TCN2: variants seen among roughly 807,000 people sequenced by gnomAD.
The protein encoded by TCN2 is transcobalamin-2.
In TCN2, 34 loss-of-function variants were observed where a neutral mutation model predicts 48.6. The observed-to-expected ratio is 0.70, with a 90% confidence interval of 0.53 to 0.93. The LOEUF is 0.93. Ranked by LOEUF, TCN2 falls within the 40% of genes least tolerant of loss-of-function variation. The pLI is 0.00. For missense variants in TCN2, 652 were observed against 526.1 expected (o/e 1.24, Z -2.34); for synonymous variants, 283 against 212.5 (o/e 1.33, Z -2.89).
rs762822411 is a variant in TCN2 at position 30,623,016 on chromosome 22, G to A, written c.1155G>A (p.Met385Ile). 2 of 1,614,034 alleles carry A rather than the reference G, an allele frequency of 1.2e-6. No individual in the cohort carries two copies. Among genetic ancestry groups the A allele is most frequent in the African/African-American group, 1.3e-5 (1 of 74,978 alleles). ...CAGGCCCCTACTTAACCTCCGTGAT[G>A]GGGAAAGCGGCCGGAGAAAGGGAGT... ...SLSGPYLTSV[M>I]GKAAGEREFW... is the part of the protein sequence containing the mutation. Residue 385 changes from methionine (M) to isoleucine (I), a missense_variant, in exon 8 of 9, where the codon ATG (methionine) becomes ATA (isoleucine). By Grantham distance (10) the Met-to-Ile change is conservative (BLOSUM62 1). Transcript: ENST00000215838.
intron 8 of TCN2, among the ~76,000 whole-genome samples, chr22:30,624,045 C>T (rs200114930): frequency 0.059 from 1,292 of 22,022 alleles, 384 homozygotes; most frequent in African/African-American, 0.28. Flanking sequence ...TACATATATA[C>T]ACACACACAC....
chr22:30,626,442 C>T lies in TCN2; in HGVS notation c.1223-18C>T, dbSNP rs552440554. 4.3e-6 allele frequency: 7 copies of T among 1,613,972 alleles called. No individual in the cohort carries two copies. In the East Asian group the frequency reaches 6.7e-5, roughly 15 times the overall value. On this transcript the variant is annotated intron_variant, in intron 8 of 8. Transcript: ENST00000215838. ...ATTCTGCCCAATTCGCCCCTCCTTG[C>T]TCAATCTGTTTCTGCAGGTATTGCT...
Position 30,617,476 on chromosome 22 carries a change from C to T in TCN2, c.1087C>T (p.His363Tyr), listed in dbSNP as rs2087629933. The T allele has an allele frequency of 1.2e-6, 2 of 1,614,062 alleles. No homozygotes were observed. Among genetic ancestry groups the T allele is most frequent in the African/African-American group, 1.3e-5 (1 of 74,914 alleles). The change falls in exon 7 of 9, where the codon CAT becomes TAT. Residue 363 changes from histidine to tyrosine, a missense_variant. Coordinates refer to ENST00000215838, the MANE Select transcript of TCN2 (RefSeq NM_000355.4). The stretch of plus-strand genomic sequence containing the variant: ...CGTGGAAGATGTCCTGAAGAAGGCC[C>T]ATGAGTTAGGAGGATTCACGTGAGA... ...STVEDVLKKA[H>Y]ELGGFTYETQ...
rs2087601543 is a variant in TCN2 at position 30,615,612 on chromosome 22, T to G, written c.765T>G (p.Thr255=). 6.2e-7 allele frequency: 1 copy of G among 1,614,138 alleles called. No individual in the cohort carries two copies. ...STPLALQFLM[T]SPMRGAELGT... Reference sequence around the variant, plus strand: ...CACTCTATCACCAGTTCCTCATGACTTCCCCCATGCGTGGGGCAGAACTGG... The same window carrying G: ...CACTCTATCACCAGTTCCTCATGACGTCCCCCATGCGTGGGGCAGAACTGG... Residue 255 remains threonine, a synonymous_variant, in exon 6 of 9, where the codon ACT becomes ACG. Transcript: ENST00000215838.
chr22:30,614,526 GCCAGGCTGGCACTCCCTCAGTCC>G, intron 4 of TCN2, 25 bp downstream of exon 4: 1 of 1,613,712 alleles, frequency 6.2e-7, no homozygotes, highest in Non-Finnish European at 8.5e-7. Flanking sequence ...CCGTGCCAAG[GCCAGGCTGGCACTCCCTCAGTCC>G]CCAGGTCTGC....
At chr22:30,616,171 C>G (rs1026248561) in intron 6 of TCN2, among the ~76,000 whole-genome samples, 6 of 152,116 alleles carry the variant, frequency 3.9e-5, no homozygotes, top group African/African-American at 1.4e-4. Context: ...GAGGACGTGA[C>G]TGGGATTTGC....
At chr22:30,619,998 A>T (rs11703609) in intron 7 of TCN2, among the ~76,000 whole-genome samples, 7,730 of 152,092 alleles carry the variant, frequency 0.051, 299 homozygotes, top group Non-Finnish European at 0.078. Flanking sequence ...CTTCAAAAAA[A>T]TTTTTTTAAT....
rs34383530 is a variant in TCN2 at position 30,616,025 on chromosome 22, TTGGATGGATGGATGGATGGATGGATGGA to T, written c.940+261_940+288del. The stretch of plus-strand genomic sequence containing the variant: ...TGTGTGATACCCAGTACAGAAATGT[TTGGATGGATGGATGGATGGATGGATGGA>T]TGGATGGATGGATGGATGGATGAGG... On this transcript the variant is annotated intron_variant, in intron 6 of 8. Transcript: ENST00000215838. Among the ~76,000 whole-genome samples the T allele has an allele frequency of 0.14, 21,357 of 149,442 alleles. 1,709 individuals carry two copies. Among genetic ancestry groups the T allele is most frequent in the African/African-American group, 0.2 (8,019 of 40,704 alleles).
rs71740449 is a variant in TCN2, at chr22:30,623,937, TACAC to T, written c.1222+862_1222+865del. Among the ~76,000 whole-genome samples, 3 of 64,170 alleles carry T rather than the reference TACAC, an allele frequency of 4.7e-5. 1 individual carries two copies. The highest frequency in any genetic ancestry group is 3.4e-4 in the South Asian group (1 of 2,970). The allele number at this position is 64,170 out of a possible 152,430, so 42.1% of individuals were successfully genotyped here. A position where few individuals can be genotyped will look rare whatever the true frequency, so the allele number is the denominator to read the frequency against. The stretch of plus-strand genomic sequence containing the variant: ...ACACACATATATATGTATACATATA[TACAC>T]ACACACATATGTATACATATATACA... On this transcript the variant is annotated intron_variant, in intron 8 of 8. Transcript: ENST00000215838.
intron 2 of TCN2, among the ~76,000 whole-genome samples, 189 bp from the exon 3 acceptor site, chr22:30,612,684 T>A (rs1245418967): frequency 6.6e-6 from 1 of 152,228 alleles, no homozygotes; most frequent in Non-Finnish European, 1.5e-5. Flanking sequence ...ATCTAACTGT[T>A]CATCTTTATT....
intron 7 of TCN2, among the ~76,000 whole-genome samples, chr22:30,622,328 T>G (rs928040260): frequency 6.6e-6 from 1 of 152,174 alleles, no homozygotes; most frequent in Non-Finnish European, 1.5e-5. Context: ...GGCAGTGGCA[T>G]CCAGACGGAG....
At position 30,624,078 on chromosome 22, in the gene TCN2, A is replaced by T. The variant is rs375569700; in HGVS notation, c.1222+995A>T. Among the ~76,000 whole-genome samples, 135 of 80,352 alleles carry T rather than the reference A, an allele frequency of 1.7e-3. 27 individuals carry two copies. The highest frequency in any genetic ancestry group is 5.0e-3 in the East Asian group (15 of 3,008). The allele number at this position is 80,352 out of a possible 152,430, so 52.7% of individuals were successfully genotyped here. A position where few individuals can be genotyped will look rare whatever the true frequency, so the allele number is the denominator to read the frequency against. ...CACACACACATATATATATATATATATATTTTTTTTTTTTGAGATGGAGTC... is the reference window on the plus strand; with the variant it reads ...CACACACACATATATATATATATATTTATTTTTTTTTTTTGAGATGGAGTC... On this transcript the variant is annotated intron_variant, in intron 8 of 8. Transcript: ENST00000215838.
intron 2 of TCN2, 194 bp downstream of exon 2, chr22:30,611,257 C>T (rs1312704950): frequency 7.3e-6 from 5 of 681,830 alleles, no homozygotes; most frequent in Admixed American, 2.3e-5. Flanking sequence ...TAATGCAAGG[C>T]TCCTTTTGCT....
Position 30,617,418 on chromosome 22 carries a change from C to T in TCN2, c.1029C>T (p.Tyr343=). 3 of 1,614,136 alleles carry T rather than the reference C, an allele frequency of 1.9e-6. No homozygotes were observed. The highest frequency in any genetic ancestry group is 2.5e-6 in the Non-Finnish European group (3 of 1,180,034). ...AGGTGCTTAGTCTCTTGCCGCCGTA[C>T]AGACAGTCCATCTCTGTTCTGGCCG... ...TLQVLSLLPP[Y]RQSISVLAGS... The change falls in exon 7 of 9, where the codon TAC becomes TAT. Residue 343 remains tyrosine, a synonymous_variant. Transcript: ENST00000215838.
At chr22:30,615,857 G>A (rs1264923741) in intron 6 of TCN2, 70 bp downstream of exon 6, 3 of 1,592,064 alleles carry the variant, frequency 1.9e-6, no homozygotes, top group East Asian at 2.2e-5. Flanking sequence ...CCCAGTGAGG[G>A]GAGGTTGCTT....
intron 8 of TCN2, among the ~76,000 whole-genome samples, chr22:30,623,775 CAT>C (rs747385413): frequency 0.092 from 3,436 of 37,394 alleles, 1,237 homozygotes; most frequent in Middle Eastern, 0.11. Flanking sequence ...TATATACACA[CAT>C]ATATATGTAT....
rs775057364 is a variant in TCN2, at chr22:30,626,435, C to G, written c.1223-25C>G. ...GTGCGATATTCTGCCCAATTCGCCCCTCCTTGCTCAATCTGTTTCTGCAGG... is the reference window on the plus strand; with the variant it reads ...GTGCGATATTCTGCCCAATTCGCCCGTCCTTGCTCAATCTGTTTCTGCAGG... On this transcript the variant is annotated intron_variant, in intron 8 of 8. Coordinates refer to ENST00000215838, the MANE Select transcript of TCN2 (RefSeq NM_000355.4). 5 of 1,613,984 alleles carry G rather than the reference C, an allele frequency of 3.1e-6. No individual in the cohort carries two copies. The East Asian group carries it at 8.9e-5, about 29-fold the overall frequency.
intron 8 of TCN2, 182 bp downstream of exon 8, chr22:30,623,265 C>A: frequency 5.5e-6 from 3 of 543,906 alleles, no homozygotes; most frequent in Non-Finnish European, 6.5e-6. Context: ...ATGCAAGTTA[C>A]TGTGGAAATT....
rs1260659125 is a variant in TCN2, at chr22:30,610,861, C to T, written c.65-10C>T. 3.7e-6 allele frequency: 6 copies of T among 1,614,026 alleles called. No homozygotes were observed. Among genetic ancestry groups the T allele is most frequent in the Non-Finnish European group, 5.1e-6 (6 of 1,180,010 alleles). Reference sequence around the variant, plus strand: ...CCTGTGACCTCATTTGTACCATTTTCTTTTCTAAGAAATACCAGAGATGGA... The same window carrying T: ...CCTGTGACCTCATTTGTACCATTTTTTTTTCTAAGAAATACCAGAGATGGA... On this transcript the variant is annotated splice_polypyrimidine_tract_variant and intron_variant, in intron 1 of 8. Coordinates refer to ENST00000215838, the MANE Select transcript of TCN2 (RefSeq NM_000355.4).
Sources: gnomAD v4.1 joint callset for allele counts (sites outside exome capture counted in the v4.1 genomes callset) on GRCh38, gnomAD v4.1.1 for gene constraint, MANE v1.5 for transcripts, NCBI Gene and HGNC (gene_info 2026-07-23, HGNC 2026-07-21) for gene names.